The following SFMBT2 variants were observed in gnomAD, a reference collection of about 807,000 sequenced individuals.
SFMBT2 encodes Scm like with four mbt domains 2.
A neutral mutation model predicts 110.1 loss-of-function variants in SFMBT2; 38 were observed. The observed-to-expected ratio is 0.35, with a 90% CI of 0.27 to 0.45. SFMBT2 has a LOEUF of 0.45. Ranked by LOEUF, SFMBT2 falls within the 20% of genes least tolerant of loss-of-function variation. The pLI is 1.00. For synonymous variants in SFMBT2, 425 were observed against 425.4 expected, an observed-to-expected ratio of 1.00 and a Z score of 0.01; for missense variants, 1,011 against 1,094.9, an observed-to-expected ratio of 0.92 and a Z score of 1.08.
At chr10:7,254,385 A>C (rs769889445) in intron 7 of SFMBT2, among the ~76,000 whole-genome samples, 3 of 152,190 alleles carry the variant, frequency 2.0e-5, no homozygotes, top group Admixed American at 6.5e-5. Context: ...GCTATGGAAG[A>C]TCCAGACTGA....
At chr10:7,253,099 G>GT (rs1208416587) in intron 7 of SFMBT2, among the ~76,000 whole-genome samples, 1 of 152,170 alleles carries the variant, frequency 6.6e-6, no homozygotes, top group African/African-American at 2.4e-5. Flanking sequence ...GTGCCAGGAG[G>GT]TGGGGGCACC....
At chr10:7,182,960 G>A (rs531116700) in intron 16 of SFMBT2, among the ~76,000 whole-genome samples, 5 of 152,018 alleles carry the variant, frequency 3.3e-5, no homozygotes, top group Non-Finnish European at 7.3e-5. Flanking sequence ...GTGAGACGCC[G>A]ATGTTATTTA....
chr10:7,227,988 G>T, intron 9 of SFMBT2, 51 bp from the exon 10 acceptor site: 1 of 1,385,948 alleles, frequency 7.2e-7, no homozygotes, highest in Non-Finnish European at 9.8e-7. Context: ...CAAAATCCCA[G>T]ACAGATGAGC....
chr10:7,410,911 C>T lies in SFMBT2; in HGVS notation c.-102G>A, dbSNP rs1417680574. ...CGTGGACCCAGGCCCCGGTCGCCGC[C>T]CGGGAGGGCACCGGCCTCGCTCGCT... is the stretch of plus-strand genomic sequence containing the variant. On this transcript the variant is annotated 5_prime_UTR_variant, in exon 1 of 21. Transcript: ENST00000397167. 6.6e-6 allele frequency among the ~76,000 whole-genome samples: 1 copy of T among 151,330 alleles called. No homozygotes were observed. The highest frequency in any genetic ancestry group is 1.5e-5 in the Non-Finnish European group (1 of 67,778).
chr10:7,262,192 A>G (rs1841227351), intron 7 of SFMBT2, among the ~76,000 whole-genome samples: 2 of 152,246 alleles, frequency 1.3e-5, no homozygotes, highest in Non-Finnish European at 2.9e-5. Context: ...TACGGGGCTT[A>G]AACGGGTGGC....
At chr10:7,302,772 G>A (rs1032893093) in intron 4 of SFMBT2, among the ~76,000 whole-genome samples, 2 of 152,074 alleles carry the variant, frequency 1.3e-5, no homozygotes, top group Non-Finnish European at 2.9e-5. Flanking sequence ...AGGAGTCCCC[G>A]CGCCTAAAAT....
chr10:7,309,791 A>C (rs1842798418), intron 4 of SFMBT2, among the ~76,000 whole-genome samples: 1 of 152,178 alleles, frequency 6.6e-6, no homozygotes, highest in Non-Finnish European at 1.5e-5. Context: ...TAATCCTTTC[A>C]AGAAAGGAGG....
chr10:7,295,569 C>G (rs1842385204), intron 4 of SFMBT2, among the ~76,000 whole-genome samples: 1 of 152,248 alleles, frequency 6.6e-6, no homozygotes, highest in Non-Finnish European at 1.5e-5. Flanking sequence ...ACAGACCTTT[C>G]ACTAAAATAC....
intron 7 of SFMBT2, among the ~76,000 whole-genome samples, chr10:7,268,715 TG>T (rs1485712557): frequency 3.9e-5 from 6 of 152,250 alleles, no homozygotes; most frequent in Non-Finnish European, 5.9e-5. Context: ...TTCGCCATGT[TG>T]GCCAGGCTGG....
Position 7,205,899 on chromosome 10 carries a change from C to T in SFMBT2, c.1360G>A (p.Val454Ile), listed in dbSNP as rs1454325819. 5.6e-6 allele frequency: 9 copies of T among 1,613,884 alleles called. No individual in the cohort carries two copies. Among genetic ancestry groups the T allele is most frequent in the African/African-American group, 2.7e-5 (2 of 74,902 alleles). The change falls in exon 12 of 21, where the codon GTT becomes ATT. Residue 454 changes from valine (V) to isoleucine (I), a missense_variant. Physicochemically the swap from Val to Ile is conservative, Grantham distance 29. Around this residue, in one of 2 missense-constraint regions of SFMBT2, gnomAD observed 979 missense variants for 1,016.1 expected, o/e 0.96. Transcript: ENST00000397167. Reference sequence around the variant, plus strand: ...AAGATGTCCATGGATTCCACATCAACAATGACCTCTGGAACAGGAGTCTGC... The same window carrying T: ...AAGATGTCCATGGATTCCACATCAATAATGACCTCTGGAACAGGAGTCTGC... ...GLQTPVPEVI[V>I]DVESMDIFPV...
chr10:7,370,158 T>C (rs968641443), intron 3 of SFMBT2, 123 bp downstream of exon 3: 8 of 786,684 alleles, frequency 1.0e-5, no homozygotes, highest in African/African-American at 5.2e-5. Flanking sequence ...TGAGCCACCA[T>C]GCCTGGCCAC....
At chr10:7,381,683 G>C in intron 2 of SFMBT2, 116 bp downstream of exon 2, 2 of 1,137,956 alleles carry the variant, frequency 1.8e-6, no homozygotes, top group Non-Finnish European at 2.4e-6. Flanking sequence ...TCAAATCCCA[G>C]GAACCAGACA....
Position 7,386,852 on chromosome 10 carries a change from T to C in SFMBT2, c.-51-4903A>G, listed in dbSNP as rs117359482. 7.6e-3 allele frequency among the ~76,000 whole-genome samples: 1,163 copies of C among 152,338 alleles called. 9 individuals are homozygous for C. Among genetic ancestry groups the C allele is most frequent in the Non-Finnish European group, 0.012 (824 of 68,030 alleles). ...ATTTAATCCTCAGAACTCTAGGATG[T>C]AGGTTATATTACTGTTCCCATCTTA... On this transcript the variant is annotated intron_variant, in intron 1 of 20. Transcript: ENST00000397167.
intron 7 of SFMBT2, among the ~76,000 whole-genome samples, chr10:7,260,986 T>G (rs1328882737): frequency 6.6e-6 from 1 of 151,998 alleles, no homozygotes; most frequent in African/African-American, 2.4e-5. Flanking sequence ...GGCCTTGGGT[T>G]TGAGGTACGT....
At chr10:7,224,391 T>C (rs113454907) in intron 10 of SFMBT2, among the ~76,000 whole-genome samples, 1 of 152,340 alleles carries the variant, frequency 6.6e-6, no homozygotes, top group African/African-American at 2.4e-5. Flanking sequence ...TTCCCGATCC[T>C]GGCTCTCCAC....
chr10:7,213,848 G>A (rs531778428), intron 11 of SFMBT2, among the ~76,000 whole-genome samples: 1 of 152,322 alleles, frequency 6.6e-6, no homozygotes, highest in South Asian at 2.1e-4. Flanking sequence ...TCAGATCCGT[G>A]TGCACAGCGT....
chr10:7,408,542 G>A lies in SFMBT2; in HGVS notation c.-52+2319C>T, dbSNP rs1487837535. On this transcript the variant is annotated intron_variant, in intron 1 of 20. Transcript: ENST00000397167. The surrounding 1 kb of genome is among the most constrained non-coding windows in gnomAD (Gnocchi z 5.7). The stretch of plus-strand genomic sequence containing the variant: ...CCAGATCAGGTTCGCGGGCCCGGAG[G>A]AGGTCCTCCCACCTGCCCCCGCCAG... Among the ~76,000 whole-genome samples, 1 of 152,182 alleles carries A rather than the reference G, an allele frequency of 6.6e-6. No homozygotes were observed. Among genetic ancestry groups the A allele is most frequent in the East Asian group, 1.9e-4 (1 of 5,180 alleles).
chr10:7,405,159 T>C (rs767663933), intron 1 of SFMBT2, among the ~76,000 whole-genome samples: 2 of 152,230 alleles, frequency 1.3e-5, no homozygotes, highest in Non-Finnish European at 2.9e-5. Flanking sequence ...TCAGAGTGGA[T>C]GCTCACACTC....
chr10:7,238,759 T>G (rs1840340789), intron 9 of SFMBT2, among the ~76,000 whole-genome samples: 1 of 152,204 alleles, frequency 6.6e-6, no homozygotes, highest in Non-Finnish European at 1.5e-5. Flanking sequence ...AGTTCCTGGG[T>G]GGAACTTTTC....
Sources: allele counts gnomAD v4.1 joint callset (sites outside exome capture counted in the v4.1 genomes callset), GRCh38; gene constraint gnomAD v4.1.1; regional missense constraint gnomAD v4.1.1; non-coding constraint Gnocchi (gnomAD v3.1); transcripts MANE v1.5; gene names NCBI Gene and HGNC (gene_info 2026-07-23, HGNC 2026-07-21).